LRRC7: variants seen among roughly 807,000 people sequenced by gnomAD.
The protein encoded by LRRC7 is leucine rich repeat containing 7.
Under a neutral mutation model 175.7 loss-of-function variants are expected in LRRC7, and 23 were observed. The observed-to-expected ratio is 0.13, with a 90% CI of 0.09 to 0.19. The LOEUF (loss-of-function observed/expected upper bound fraction) is 0.19. LRRC7 is among the 10% of genes least tolerant of loss of function. The pLI is 1.00. For synonymous variants in LRRC7, 685 were observed against 680.9 expected, an observed-to-expected ratio of 1.01 and a Z score of -0.09; for missense variants, 1,354 against 1,904.7, an observed-to-expected ratio of 0.71 and a Z score of 5.38.
At chr1:69,781,693 A>G (rs1419207922) in intron 3 of LRRC7, among the ~76,000 whole-genome samples, 21 of 22,720 alleles carry the variant, frequency 9.2e-4, no homozygotes, top group Non-Finnish European at 1.3e-3. Flanking sequence ...AAAAAGAAGA[A>G]AGAAAGAAAG....
intron 1 of LRRC7, among the ~76,000 whole-genome samples, chr1:69,587,474 AC>A (rs1646448171): frequency 6.6e-6 from 1 of 152,122 alleles, no homozygotes; most frequent in South Asian, 2.1e-4. Context: ...TATATAGGAC[AC>A]TTCTCCTGAT....
chr1:69,609,090 GC>G (rs1167024998), intron 1 of LRRC7, among the ~76,000 whole-genome samples: 1 of 151,802 alleles, frequency 6.6e-6, no homozygotes, highest in East Asian at 1.9e-4. Context: ...AAAGCACCCA[GC>G]TTTGCAGTTT....
intron 10 of LRRC7, among the ~76,000 whole-genome samples, chr1:69,989,071 T>A (rs1248352581): frequency 6.6e-6 from 1 of 152,168 alleles, no homozygotes; most frequent in African/African-American, 2.4e-5. Flanking sequence ...TTAGGTGTTA[T>A]AGCCAAATAA....
At chr1:69,877,409 C>T (rs921453278) in intron 7 of LRRC7, among the ~76,000 whole-genome samples, 9 of 152,080 alleles carry the variant, frequency 5.9e-5, no homozygotes, top group African/African-American at 2.2e-4. Flanking sequence ...GCTATGATCA[C>T]ACCACTGCAC....
intron 7 of LRRC7, among the ~76,000 whole-genome samples, chr1:69,903,478 C>T (rs1293532512): frequency 5.3e-5 from 8 of 152,174 alleles, no homozygotes; most frequent in Admixed American, 4.6e-4. Context: ...GTCTTCACAA[C>T]CCACAGACCA....
intron 3 of LRRC7, among the ~76,000 whole-genome samples, chr1:69,789,898 A>C (rs144482613): frequency 6.6e-6 from 1 of 152,186 alleles, no homozygotes; most frequent in African/African-American, 2.4e-5. Context: ...TACAGTTTTC[A>C]TGCTTTACTG....
At chr1:70,023,514 C>A in intron 17 of LRRC7, 140 bp downstream of exon 17, 1 of 918,666 alleles carries the variant, frequency 1.1e-6, no homozygotes, top group Non-Finnish European at 1.5e-6. Flanking sequence ...TGTTTTATCT[C>A]AATTTAACAT....
At chr1:69,774,914 A>G (rs1672648810) in intron 3 of LRRC7, among the ~76,000 whole-genome samples, 1 of 150,712 alleles carries the variant, frequency 6.6e-6, no homozygotes, top group African/African-American at 2.5e-5. Context: ...AGAAATGTAG[A>G]AGAAAATACA....
At chr1:69,947,211 A>G (rs1649431968) in intron 8 of LRRC7, among the ~76,000 whole-genome samples, 1 of 152,108 alleles carries the variant, frequency 6.6e-6, no homozygotes, top group Admixed American at 6.6e-5. Flanking sequence ...TCTATTCAGT[A>G]ACACTGTGTT....
chr1:69,732,921 G>T (rs763767867), intron 2 of LRRC7, among the ~76,000 whole-genome samples: 1 of 151,952 alleles, frequency 6.6e-6, no homozygotes, highest in Non-Finnish European at 1.5e-5. Context: ...TTAATCAGTG[G>T]CCCAGGAATT....
At chr1:69,957,086 T>G (rs1650573099) in intron 8 of LRRC7, among the ~76,000 whole-genome samples, 1 of 151,816 alleles carries the variant, frequency 6.6e-6, no homozygotes, top group South Asian at 2.1e-4. Flanking sequence ...ATATATTTAT[T>G]AAACATTTAA....
intron 4 of LRRC7, among the ~76,000 whole-genome samples, chr1:69,819,620 T>G (rs1679034892): frequency 6.7e-6 from 1 of 149,872 alleles, no homozygotes. Context: ...TGTGTGTATC[T>G]GCATAATCTA....
At chr1:69,589,470 G>A (rs1229698314) in intron 1 of LRRC7, among the ~76,000 whole-genome samples, 1 of 152,128 alleles carries the variant, frequency 6.6e-6, no homozygotes, top group Non-Finnish European at 1.5e-5. Flanking sequence ...CCAATCGGGA[G>A]TGAGTCCTCT....
chr1:69,767,302 AT>A (rs1185287538), intron 3 of LRRC7, among the ~76,000 whole-genome samples: 2 of 152,230 alleles, frequency 1.3e-5, no homozygotes, highest in South Asian at 2.1e-4. Context: ...AATGCAGAAA[AT>A]TTGTTATAAA....
intron 7 of LRRC7, among the ~76,000 whole-genome samples, chr1:69,870,084 G>C (rs1468912759): frequency 1.3e-5 from 2 of 152,118 alleles, no homozygotes; most frequent in African/African-American, 4.8e-5. Context: ...TGTGATAAGT[G>C]GATGGGCTCT....
At chr1:69,980,126 G>T (rs1449343382) in intron 8 of LRRC7, among the ~76,000 whole-genome samples, 2 of 151,996 alleles carry the variant, frequency 1.3e-5, no homozygotes, top group Non-Finnish European at 2.9e-5. Flanking sequence ...AAGGTATTCA[G>T]GGAGAATGTA....
intron 7 of LRRC7, among the ~76,000 whole-genome samples, chr1:69,896,809 T>C (rs12755858): frequency 0.4 from 61,467 of 151,936 alleles, 13,365 homozygotes; most frequent in East Asian, 0.55. Flanking sequence ...TGTGGCATGG[T>C]ACTTGGTACA....
rs1571408063 is a variant in LRRC7 at position 70,137,333 on chromosome 1, G to A, written c.*15446G>A. On this transcript the variant is annotated 3_prime_UTR_variant, in exon 27 of 27. Transcript: ENST00000651989. ...CTGGAGGAAGGAACTTCATCTTAAGGCTTGATAACAAAGGCTTACTGTTCC... is the reference window on the plus strand; with the variant it reads ...CTGGAGGAAGGAACTTCATCTTAAGACTTGATAACAAAGGCTTACTGTTCC... Among the ~76,000 whole-genome samples, 1 of 152,252 alleles carries A rather than the reference G, an allele frequency of 6.6e-6. No homozygotes were observed. Among genetic ancestry groups the A allele is most frequent in the Non-Finnish European group, 1.5e-5 (1 of 68,016 alleles).
chr1:70,107,632 C>G (rs1665234681), intron 25 of LRRC7, 120 bp from the exon 26 acceptor site: 5 of 651,600 alleles, frequency 7.7e-6, no homozygotes, highest in Non-Finnish European at 1.4e-5. Flanking sequence ...TTCTTTGAAG[C>G]CTACATGCAT....
Sources: allele counts gnomAD v4.1 joint callset (sites outside exome capture counted in the v4.1 genomes callset), GRCh38; gene constraint gnomAD v4.1.1; transcripts MANE v1.5; gene names NCBI Gene and HGNC (gene_info 2026-07-23, HGNC 2026-07-21).